SGIP1: variants seen among roughly 807,000 people sequenced by gnomAD.
SGIP1 encodes the protein SH3GL interacting endocytic adaptor 1.
A neutral mutation model predicts 107.5 loss-of-function variants in SGIP1; 38 were observed. The ratio of observed to expected loss-of-function variants is 0.35; its 90% CI spans 0.27 to 0.46. SGIP1 has a LOEUF of 0.46. SGIP1 is among the 20% of genes least tolerant of loss of function. The pLI, the probability that SGIP1 is intolerant of heterozygous loss-of-function variation, is 1.00. For missense variants in SGIP1, 929 were observed against 1,019.5 expected, an observed-to-expected ratio of 0.91 and a Z score of 1.21; for synonymous variants, 365 against 366.1, an observed-to-expected ratio of 1.00 and a Z score of 0.03.
chr1:66,685,039 C>G (rs1482332611), intron 15 of SGIP1, among the ~76,000 whole-genome samples: 1 of 152,138 alleles, frequency 6.6e-6, no homozygotes, highest in East Asian at 1.9e-4. Context: ...GCTGCTTAAT[C>G]TTTTATTGGT....
chr1:66,639,691 A>G, intron 4 of SGIP1, 86 bp from the exon 5 acceptor site: 1 of 1,091,498 alleles, frequency 9.2e-7, no homozygotes, highest in Middle Eastern at 2.4e-4. Flanking sequence ...AGCTTTTGCT[A>G]AATGCAGATA....
intron 1 of SGIP1, among the ~76,000 whole-genome samples, chr1:66,550,166 A>G (rs749749179): frequency 3.9e-5 from 6 of 152,100 alleles, no homozygotes; most frequent in Non-Finnish European, 8.8e-5. Context: ...TAGGCCATAA[A>G]TCTAATCTTC....
At chr1:66,647,004 G>T (rs531804078) in intron 7 of SGIP1, among the ~76,000 whole-genome samples, 1 of 152,258 alleles carries the variant, frequency 6.6e-6, no homozygotes, top group South Asian at 2.1e-4. Context: ...ACATCACCCA[G>T]GTTTGCCATC....
chr1:66,538,731 C>T (rs2054190631), intron 1 of SGIP1, among the ~76,000 whole-genome samples: 1 of 152,118 alleles, frequency 6.6e-6, no homozygotes, highest in African/African-American at 2.4e-5. Flanking sequence ...GCTATTAACC[C>T]AATATCTAGC....
chr1:66,678,290 G>A (rs1472640564), intron 13 of SGIP1, among the ~76,000 whole-genome samples: 2 of 152,170 alleles, frequency 1.3e-5, no homozygotes, highest in Admixed American at 6.5e-5. Context: ...TAAATGAATT[G>A]TTTATGGAGG....
At chr1:66,541,990 G>A (rs539169030) in intron 1 of SGIP1, among the ~76,000 whole-genome samples, 46 of 152,166 alleles carry the variant, frequency 3.0e-4, no homozygotes, top group African/African-American at 1.1e-3. Context: ...GTCTCTGTGT[G>A]GTAGAAAGAA....
At chr1:66,664,759 G>C (rs780401609) in intron 8 of SGIP1, among the ~76,000 whole-genome samples, 1 of 152,124 alleles carries the variant, frequency 6.6e-6, no homozygotes, top group African/African-American at 2.4e-5. Context: ...GTAGCCTCTG[G>C]TGAATCCATG....
chr1:66,539,319 G>A (rs1193072429), intron 1 of SGIP1, among the ~76,000 whole-genome samples: 1 of 152,202 alleles, frequency 6.6e-6, no homozygotes. Context: ...ACAGGTTTGT[G>A]TGCTAACTAC....
Position 66,671,942 on chromosome 1 carries a change from A to C in SGIP1, c.509-2A>C, listed in dbSNP as rs759123885. 1 of 1,613,976 alleles carries C rather than the reference A, an allele frequency of 6.2e-7. No homozygotes were observed. The highest frequency in any genetic ancestry group is 8.5e-7 in the Non-Finnish European group (1 of 1,179,866). On this transcript the variant is annotated splice_acceptor_variant, in intron 10 of 24. Coordinates refer to ENST00000371037, the MANE Select transcript of SGIP1 (RefSeq NM_032291.4). LOFTEE classifies it high-confidence loss of function. ...AAAAAGTTCCTTTGTCCTGTGCATC[A>C]GGTGAAGAAGTGGCAAGACCCAGGC...
At chr1:66,533,876 A>G (rs942564419), upstream of SGIP1, among the ~76,000 whole-genome samples, 1 of 152,042 alleles carries the variant, frequency 6.6e-6, no homozygotes, top group African/African-American at 2.4e-5. Context: ...AATCTCGGGC[A>G]CCCAGCCGCT....
intron 1 of SGIP1, among the ~76,000 whole-genome samples, chr1:66,537,381 T>C (rs2053871569): frequency 6.6e-6 from 1 of 152,130 alleles, no homozygotes; most frequent in South Asian, 2.1e-4. Flanking sequence ...ATGAAGTCTA[T>C]GTGGTTAGGG....
intron 19 of SGIP1, among the ~76,000 whole-genome samples, chr1:66,726,457 A>C (rs1308139234): frequency 6.6e-6 from 1 of 152,220 alleles, no homozygotes; most frequent in Non-Finnish European, 1.5e-5. Flanking sequence ...AAGTTAGAGG[A>C]CTAACATTAC....
chr1:66,659,937 A>G (rs2080577666), intron 7 of SGIP1, among the ~76,000 whole-genome samples: 2 of 54,874 alleles, frequency 3.6e-5, no homozygotes, highest in African/African-American at 8.5e-5. Flanking sequence ...AAAGAGAGAA[A>G]GAAAAAGAAA....
intron 1 of SGIP1, among the ~76,000 whole-genome samples, chr1:66,562,911 G>T (rs751844452): frequency 6.6e-6 from 1 of 151,994 alleles, no homozygotes. Context: ...TTTAAGAATA[G>T]AAATGTTTAA....
In SGIP1 at chr1:66,636,114, A is replaced by G. The variant is rs553378771; in HGVS notation, c.171+99A>G. 55 of 1,159,946 alleles carry G rather than the reference A, an allele frequency of 4.7e-5. No homozygotes were observed. In the African/African-American group the frequency reaches 8.1e-4, roughly 17 times the overall value. 71.9% of individuals were successfully genotyped at this position (1,159,946 alleles called of 1,614,324 possible). A position where few individuals can be genotyped will look rare whatever the true frequency, so the allele number is the denominator to read the frequency against. On this transcript the variant is annotated intron_variant, in intron 4 of 24. Coordinates refer to ENST00000371037, the MANE Select transcript of SGIP1 (RefSeq NM_032291.4). ...TTGGAAAACACAGTAGTTTTCATTT[A>G]CTCCATTTAAGAAAACTCTTAGGTA...
chr1:66,694,468 C>T (rs1467847259), intron 17 of SGIP1: 1 of 1,608,444 alleles, frequency 6.2e-7, no homozygotes, highest in South Asian at 1.1e-5. Flanking sequence ...TTATGACAAA[C>T]TGCCCTCGTT....
chr1:66,679,332 G>A (rs949995066), intron 13 of SGIP1, among the ~76,000 whole-genome samples: 5 of 152,154 alleles, frequency 3.3e-5, no homozygotes, highest in Admixed American at 1.3e-4. Context: ...TGAGGCCAAA[G>A]ACTATTTTTA....
chr1:66,729,208 T>A (rs1415236174), intron 19 of SGIP1, 56 bp from the exon 20 acceptor site: 3 of 1,589,424 alleles, frequency 1.9e-6, no homozygotes, highest in Non-Finnish European at 2.6e-6. Flanking sequence ...CAGTTTTGAT[T>A]CAGTGTATTG....
intron 7 of SGIP1, among the ~76,000 whole-genome samples, chr1:66,644,370 T>G (rs952903409): frequency 6.6e-6 from 1 of 152,166 alleles, no homozygotes; most frequent in Non-Finnish European, 1.5e-5. Flanking sequence ...AGATTATTTT[T>G]GCACAATTTG....
Sources: gnomAD v4.1 joint callset for allele counts (sites outside exome capture counted in the v4.1 genomes callset) on GRCh38, gnomAD v4.1.1 for gene constraint, MANE v1.5 for transcripts, NCBI Gene and HGNC (gene_info 2026-07-23, HGNC 2026-07-21) for gene names.